MALRD1: variants seen among roughly 807,000 people sequenced by gnomAD.
The protein encoded by MALRD1 is MAM and LDL-receptor class A domain-containing protein 1.
A neutral mutation model predicts 242.1 loss-of-function variants in MALRD1; 247 were observed. The observed-to-expected ratio is 1.02, with a 90% confidence interval of 0.92 to 1.13. The LOEUF is 1.13. Ranked by LOEUF, MALRD1 falls within the 50% of genes most tolerant of loss-of-function variation. The pLI, the probability that MALRD1 is intolerant of heterozygous loss-of-function variation, is 0.00. For missense variants in MALRD1, 2,989 were observed against 2,533.1 expected, an observed-to-expected ratio of 1.18 and a Z score of -3.86; for synonymous variants, 995 against 866.6, an observed-to-expected ratio of 1.15 and a Z score of -2.60.
chr10:19,597,706 A>T (rs943059474), intron 34 of MALRD1, among the ~76,000 whole-genome samples: 1 of 152,190 alleles, frequency 6.6e-6, no homozygotes, highest in South Asian at 2.1e-4. Flanking sequence ...ACATTAGTGA[A>T]GGAGGCTAGT....
chr10:19,264,382 T>A (rs1027881410), intron 19 of MALRD1, among the ~76,000 whole-genome samples: 1 of 152,114 alleles, frequency 6.6e-6, no homozygotes, highest in Admixed American at 6.5e-5. Flanking sequence ...CATATTGGCC[T>A]GTAATTTTCT....
intron 28 of MALRD1, among the ~76,000 whole-genome samples, chr10:19,397,815 C>A (rs1343544430): frequency 3.3e-5 from 5 of 151,730 alleles, no homozygotes; most frequent in Non-Finnish European, 7.4e-5. Context: ...GCTAACACTT[C>A]TTTATCTTTT....
chr10:19,375,389 T>G (rs1036857931), intron 26 of MALRD1, among the ~76,000 whole-genome samples: 1 of 152,212 alleles, frequency 6.6e-6, no homozygotes. Context: ...GTGTTTATTA[T>G]AGAGAAAGGG....
chr10:19,287,341 C>T (rs1183485607), intron 21 of MALRD1, among the ~76,000 whole-genome samples: 1 of 151,938 alleles, frequency 6.6e-6, no homozygotes, highest in African/African-American at 2.4e-5. Flanking sequence ...TATTGACATC[C>T]TATTAAGAGG....
At chr10:19,386,229 G>A (rs923348702) in intron 26 of MALRD1, among the ~76,000 whole-genome samples, 10 of 152,132 alleles carry the variant, frequency 6.6e-5, no homozygotes, top group South Asian at 2.1e-4. Flanking sequence ...ATCACCAGCC[G>A]TTTCCAGCTC....
chr10:19,590,104 C>A (rs1314366853), intron 33 of MALRD1, among the ~76,000 whole-genome samples: 1 of 151,946 alleles, frequency 6.6e-6, no homozygotes, highest in East Asian at 1.9e-4. Context: ...AGACACAGTA[C>A]ATTTATCAAA....
In MALRD1 at chr10:19,564,071, T is replaced by G. The variant is rs995024396; in HGVS notation, c.5479-3431T>G. On this transcript the variant is annotated intron_variant, in intron 32 of 39. Coordinates refer to ENST00000454679, the MANE Select transcript of MALRD1 (RefSeq NM_001142308.3). ...CTGGTGCTGTGCTTCCTGGAGAGCCTGCAGAACCATGAGACAGTTAAACCT... is the reference window on the plus strand; with the variant it reads ...CTGGTGCTGTGCTTCCTGGAGAGCCGGCAGAACCATGAGACAGTTAAACCT... Among the ~76,000 whole-genome samples the G allele has an allele frequency of 2.0e-5, 3 of 152,236 alleles. No homozygotes were observed. The East Asian group carries it at 5.8e-4, about 29-fold the overall frequency.
chr10:19,532,723 A>G lies in MALRD1; in HGVS notation c.5478+1372A>G, dbSNP rs74347436. ...AAGTAAAAATCTAAACATGCAAAGAAAGTTGAGAATTTATCCTGACTCTGT... is the reference window on the plus strand; with the variant it reads ...AAGTAAAAATCTAAACATGCAAAGAGAGTTGAGAATTTATCCTGACTCTGT... On this transcript the variant is annotated intron_variant, in intron 32 of 39. Coordinates refer to ENST00000454679, the MANE Select transcript of MALRD1 (RefSeq NM_001142308.3). Among the ~76,000 whole-genome samples the G allele has an allele frequency of 2.3e-3, 289 of 125,290 alleles. 1 individual carries two copies. Among genetic ancestry groups the G allele is most frequent in the South Asian group, 4.3e-3 (14 of 3,272 alleles). 82.2% of individuals were successfully genotyped at this position (125,290 alleles called of 152,430 possible).
intron 10 of MALRD1, among the ~76,000 whole-genome samples, chr10:19,142,189 A>AG (rs1262789465): frequency 2.0e-5 from 3 of 150,698 alleles, no homozygotes; most frequent in African/African-American, 7.3e-5. Flanking sequence ...AAAAAAAAAA[A>AG]AAAAAAAAGT....
intron 24 of MALRD1, among the ~76,000 whole-genome samples, chr10:19,337,160 A>G (rs1843649506): frequency 6.6e-6 from 1 of 151,800 alleles, no homozygotes; most frequent in African/African-American, 2.4e-5. Flanking sequence ...GTATGTGTAT[A>G]TGTACATACT....
At chr10:19,155,300 C>T (rs966726615) in intron 12 of MALRD1, 128 bp downstream of exon 12, 22 of 431,300 alleles carry the variant, frequency 5.1e-5, no homozygotes, top group Middle Eastern at 6.1e-4. Flanking sequence ...GATTTACATG[C>T]GCTATTTCAA....
chr10:19,575,513 A>AC (rs397933527), intron 33 of MALRD1, among the ~76,000 whole-genome samples: 1 of 150,458 alleles, frequency 6.6e-6, no homozygotes, highest in African/African-American at 2.4e-5. Context: ...ACACACACAC[A>AC]AACACACACT....
At chr10:19,480,216 G>A (rs879375769) in intron 29 of MALRD1, among the ~76,000 whole-genome samples, 3 of 152,212 alleles carry the variant, frequency 2.0e-5, no homozygotes, top group Non-Finnish European at 4.4e-5. Flanking sequence ...AAGCTAGTGT[G>A]TGAATTTTTA....
intron 21 of MALRD1, among the ~76,000 whole-genome samples, chr10:19,312,331 T>G (rs531964494): frequency 6.7e-6 from 1 of 150,046 alleles, no homozygotes; most frequent in Admixed American, 6.7e-5. Flanking sequence ...GCTATTTTTA[T>G]GCTCTATTAA....
intron 26 of MALRD1, among the ~76,000 whole-genome samples, chr10:19,363,129 G>A (rs76627091): frequency 0.04 from 6,158 of 152,050 alleles, 204 homozygotes; most frequent in African/African-American, 0.091. Context: ...AAGCTTTGAG[G>A]GAGGCCTGAG....
At chr10:19,572,295 A>T (rs1007429647) in intron 33 of MALRD1, among the ~76,000 whole-genome samples, 15 of 152,188 alleles carry the variant, frequency 9.9e-5, no homozygotes, top group African/African-American at 3.6e-4. Flanking sequence ...AGTTTCCAAG[A>T]GAGAAATGTG....
At chr10:19,551,829 T>C (rs2131408145) in intron 32 of MALRD1, among the ~76,000 whole-genome samples, 1 of 152,292 alleles carries the variant, frequency 6.6e-6, no homozygotes, top group South Asian at 2.1e-4. Flanking sequence ...GAAAGCCTTT[T>C]TGCATCTATT....
intron 26 of MALRD1, among the ~76,000 whole-genome samples, chr10:19,383,105 A>G (rs189529007): frequency 1.1e-3 from 164 of 152,278 alleles, no homozygotes; most frequent in Non-Finnish European, 8.8e-5. Flanking sequence ...TTATATAGGT[A>G]ACTTGCATAT....
At chr10:19,711,634 A>C (rs1834123447) in intron 38 of MALRD1, among the ~76,000 whole-genome samples, 1 of 152,038 alleles carries the variant, frequency 6.6e-6, no homozygotes, top group Non-Finnish European at 1.5e-5. Context: ...AAATCCACCA[A>C]GTGTCAAAGA....
Sources: gnomAD v4.1 joint callset for allele counts (sites outside exome capture counted in the v4.1 genomes callset) on GRCh38, gnomAD v4.1.1 for gene constraint, MANE v1.5 for transcripts, NCBI Gene and HGNC (gene_info 2026-07-23, HGNC 2026-07-21) for gene names.